TRABD2B: variants seen among roughly 807,000 people sequenced by gnomAD.
TRABD2B encodes the protein TraB domain containing 2B.
In TRABD2B, 14 loss-of-function variants were observed where a neutral mutation model predicts 40.1. That is an observed-to-expected ratio of 0.35 (90% CI 0.23 to 0.55). TRABD2B has a LOEUF of 0.55. TRABD2B is among the 20% of genes least tolerant of loss of function. The pLI, the probability that TRABD2B is intolerant of heterozygous loss-of-function variation, is 0.90. For synonymous variants in TRABD2B, 263 were observed against 277.0 expected (o/e 0.95, Z 0.50); for missense variants, 541 against 648.6 (o/e 0.83, Z 1.80).
intron 4 of TRABD2B, among the ~76,000 whole-genome samples, chr1:47,790,364 G>A (rs1194356042): frequency 6.6e-6 from 1 of 152,140 alleles, no homozygotes; most frequent in East Asian, 1.9e-4. Flanking sequence ...ATCTGGGCTT[G>A]CACACTGGCC....
At chr1:47,872,793 G>T (rs368377639) in intron 2 of TRABD2B, among the ~76,000 whole-genome samples, 3 of 152,262 alleles carry the variant, frequency 2.0e-5, no homozygotes, top group East Asian at 1.9e-4. Context: ...TCCAGGGAGT[G>T]GGGGGAAGGC....
intron 2 of TRABD2B, among the ~76,000 whole-genome samples, chr1:47,814,608 G>A (rs1021456316): frequency 7.7e-4 from 117 of 152,186 alleles, no homozygotes; most frequent in African/African-American, 2.6e-3. Flanking sequence ...CTCCTTCCCC[G>A]ACTTTTGAAT....
At chr1:47,987,680 G>C (rs969148345) in intron 2 of TRABD2B, among the ~76,000 whole-genome samples, 1 of 152,188 alleles carries the variant, frequency 6.6e-6, no homozygotes, top group African/African-American at 2.4e-5. Flanking sequence ...CATGCCTGCA[G>C]GGGTTCTTCA....
intron 6 of TRABD2B, among the ~76,000 whole-genome samples, chr1:47,770,024 C>T (rs1448251753): frequency 6.6e-6 from 1 of 152,192 alleles, no homozygotes; most frequent in African/African-American, 2.4e-5. Flanking sequence ...CTCCAAGGGG[C>T]TCCCTGGAGC....
intron 2 of TRABD2B, among the ~76,000 whole-genome samples, chr1:47,949,886 G>C (rs1251439278): frequency 2.6e-5 from 4 of 152,178 alleles, no homozygotes; most frequent in African/African-American, 7.2e-5. Flanking sequence ...CAAGCTCCTA[G>C]GATGTACCAG....
chr1:47,857,515 C>T (rs1490453701), intron 2 of TRABD2B, among the ~76,000 whole-genome samples: 1 of 152,184 alleles, frequency 6.6e-6, no homozygotes, highest in Non-Finnish European at 1.5e-5. Context: ...TTAAGGCCCC[C>T]TTCTCAGTAC....
chr1:47,766,098 G>A lies in TRABD2B; in HGVS notation c.1358C>T (p.Ala453Val), dbSNP rs989033446. Residue 453 changes from alanine to valine, a missense_variant, in exon 7 of 7, where the codon GCC (alanine) becomes GTC (valine). By Grantham distance (64) the Ala-to-Val change is moderately conservative. Around this residue, in one of 2 missense-constraint regions of TRABD2B, gnomAD observed 172 missense variants for 155.8 expected, o/e 1.10. Coordinates refer to ENST00000606738, the MANE Select transcript of TRABD2B (RefSeq NM_001194986.2). Reference sequence around the variant, plus strand: ...CTGCAGGGGCAGCGGGGGTGGTGAGGCGGTGGTGCTGGAAAGGAGGAAGCA... The same window carrying A: ...CTGCAGGGGCAGCGGGGGTGGTGAGACGGTGGTGCTGGAAAGGAGGAAGCA... ...LWVRIEDSTT[A>V]SPPPLPLQPT... The A allele has an allele frequency of 2.9e-5, 20 of 701,706 alleles. No homozygotes were observed. In the African/African-American group the frequency reaches 3.1e-4, roughly 11 times the overall value. 43.5% of individuals were successfully genotyped at this position (701,706 alleles called of 1,614,324 possible). A position where few individuals can be genotyped will look rare whatever the true frequency, so the allele number is the denominator to read the frequency against.
Position 47,840,430 on chromosome 1 carries a change from CCT to C in TRABD2B, c.667-38813_667-38812del, listed in dbSNP as rs753362368. Among the ~76,000 whole-genome samples the C allele has an allele frequency of 7.9e-5, 12 of 152,142 alleles. No homozygotes were observed. The East Asian group carries it at 9.6e-4, about 12-fold the overall frequency. On this transcript the variant is annotated intron_variant, in intron 2 of 6. Coordinates refer to ENST00000606738, the MANE Select transcript of TRABD2B (RefSeq NM_001194986.2). ...ACAGCCATGATTCCAAGGCAAATCCCCTGAGTCTTCCTCTAACATTCTTTTCT... is the reference window on the plus strand; with the variant it reads ...ACAGCCATGATTCCAAGGCAAATCCCGAGTCTTCCTCTAACATTCTTTTCT...
chr1:47,984,147 A>G (rs1645882247), intron 2 of TRABD2B, among the ~76,000 whole-genome samples: 1 of 152,202 alleles, frequency 6.6e-6, no homozygotes. Flanking sequence ...AAGGAGGCAA[A>G]TCCTTTAAAC....
chr1:47,779,386 C>T (rs1462181461), intron 4 of TRABD2B, among the ~76,000 whole-genome samples: 1 of 152,246 alleles, frequency 6.6e-6, no homozygotes, highest in Non-Finnish European at 1.5e-5. Context: ...CCCCCACTCA[C>T]TATTCATTCA....
At chr1:47,786,894 G>A (rs911592969) in intron 4 of TRABD2B, among the ~76,000 whole-genome samples, 1 of 152,074 alleles carries the variant, frequency 6.6e-6, no homozygotes, top group Admixed American at 6.5e-5. Flanking sequence ...TTGTAGAAAT[G>A]GGGTCTTGGG....
At chr1:47,858,846 C>G (rs947603568) in intron 2 of TRABD2B, among the ~76,000 whole-genome samples, 1 of 152,210 alleles carries the variant, frequency 6.6e-6, no homozygotes, top group African/African-American at 2.4e-5. Flanking sequence ...AGAGAAAGGT[C>G]CTCAGGATGG....
chr1:47,827,209 TA>T (rs1413523158), intron 2 of TRABD2B, among the ~76,000 whole-genome samples: 1 of 152,154 alleles, frequency 6.6e-6, no homozygotes, highest in Non-Finnish European at 1.5e-5. Flanking sequence ...ACAGGGTGTG[TA>T]ATGGAGGAGA....
At chr1:47,766,767 G>A (rs985852324) in intron 6 of TRABD2B, among the ~76,000 whole-genome samples, 1 of 152,206 alleles carries the variant, frequency 6.6e-6, no homozygotes, top group African/African-American at 2.4e-5. Flanking sequence ...ACGCCATGAA[G>A]CAGGAGCCCT....
rs1343853801 is a variant in TRABD2B, at chr1:47,983,569, T to A, written c.666+10465A>T. 2.8e-4 allele frequency among the ~76,000 whole-genome samples: 42 copies of A among 152,026 alleles called. 1 individual carries two copies. Among genetic ancestry groups the A allele is most frequent in the Admixed American group, 2.8e-3 (42 of 15,266 alleles). On this transcript the variant is annotated intron_variant, in intron 2 of 6. Coordinates refer to ENST00000606738, the MANE Select transcript of TRABD2B (RefSeq NM_001194986.2). ...GTCCCCAAGTGGCTCAGTTTACCCA[T>A]CCTGTGACCAATCCACAGCTCTTCC...
chr1:47,967,867 G>T (rs1645625624), intron 2 of TRABD2B, among the ~76,000 whole-genome samples: 1 of 152,340 alleles, frequency 6.6e-6, no homozygotes, highest in Admixed American at 6.5e-5. Context: ...ATCCAACATG[G>T]TTATGCCAAC....
At chr1:47,845,868 A>G (rs1645461436) in intron 2 of TRABD2B, among the ~76,000 whole-genome samples, 1 of 152,210 alleles carries the variant, frequency 6.6e-6, no homozygotes. Flanking sequence ...GTTTTATTCT[A>G]TTTGAAATCC....
intron 2 of TRABD2B, among the ~76,000 whole-genome samples, chr1:47,831,184 A>C (rs186670682): frequency 4.0e-4 from 61 of 152,236 alleles, no homozygotes; most frequent in Non-Finnish European, 5.6e-4. Flanking sequence ...GACGGGGGGC[A>C]AACTCACCAA....
chr1:47,986,860 G>A (rs1478222922), intron 2 of TRABD2B, among the ~76,000 whole-genome samples: 3 of 152,216 alleles, frequency 2.0e-5, no homozygotes, highest in African/African-American at 7.2e-5. Flanking sequence ...CGGCTTGGCA[G>A]CCGCTGAACA....
Sources: allele counts gnomAD v4.1 joint callset (sites outside exome capture counted in the v4.1 genomes callset), GRCh38; gene constraint gnomAD v4.1.1; regional missense constraint gnomAD v4.1.1; transcripts MANE v1.5; gene names NCBI Gene and HGNC (gene_info 2026-07-23, HGNC 2026-07-21).